The following TAFA2 variants were observed in gnomAD, a reference collection of about 807,000 sequenced individuals.
TAFA2 encodes TAFA chemokine like family member 2.
In TAFA2, 7 loss-of-function variants were observed where a neutral mutation model predicts 18.8. The ratio of observed to expected loss-of-function variants is 0.37; its 90% CI spans 0.21 to 0.70. TAFA2 has a LOEUF of 0.70. Among genes scored for constraint, TAFA2 ranks in the 30% least tolerant of loss-of-function variants. The pLI, the probability that TAFA2 is intolerant of heterozygous loss-of-function variation, is 0.53. For missense variants in TAFA2, 122 were observed against 158.1 expected (o/e 0.77, Z 1.23); for synonymous variants, 60 against 54.2 (o/e 1.11, Z -0.47).
At chr12:62,111,474 G>A (rs1869727608) in intron 1 of TAFA2, among the ~76,000 whole-genome samples, 1 of 152,194 alleles carries the variant, frequency 6.6e-6, no homozygotes, top group South Asian at 2.1e-4. Flanking sequence ...TTGATTTGCG[G>A]TGGAGATTTC....
At chr12:61,879,816 T>G in intron 1 of TAFA2, 3 of 1,460,962 alleles carry the variant, frequency 2.1e-6, no homozygotes, top group Non-Finnish European at 2.9e-6. Context: ...GAGGCAGAGC[T>G]TGGCAACATG....
chr12:61,853,093 G>T (rs1873745103), intron 2 of TAFA2, among the ~76,000 whole-genome samples: 1 of 152,086 alleles, frequency 6.6e-6, no homozygotes, highest in Admixed American at 6.5e-5. Flanking sequence ...TGATGAATAG[G>T]TTAATCAGCT....
intron 1 of TAFA2, among the ~76,000 whole-genome samples, chr12:62,176,652 T>C (rs1316972025): frequency 6.6e-6 from 1 of 152,200 alleles, no homozygotes; most frequent in African/African-American, 2.4e-5. Context: ...ACGCTTTTCA[T>C]CAAATGAAAT....
At chr12:62,003,688 T>A (rs930637192) in intron 1 of TAFA2, among the ~76,000 whole-genome samples, 4 of 152,224 alleles carry the variant, frequency 2.6e-5, no homozygotes, top group Non-Finnish European at 5.9e-5. Flanking sequence ...CTCTCCTGTC[T>A]ACCACCACTA....
chr12:62,025,216 A>G (rs979026613), intron 1 of TAFA2, among the ~76,000 whole-genome samples: 2 of 152,118 alleles, frequency 1.3e-5, no homozygotes, highest in Non-Finnish European at 2.9e-5. Context: ...GTATTCATGG[A>G]CATAAAGATG....
In TAFA2 at chr12:61,882,033, TGA is replaced by T. The variant is rs1875166041; in HGVS notation, c.-1-14609_-1-14608del. Among the ~76,000 whole-genome samples, 3 of 152,194 alleles carry T rather than the reference TGA, an allele frequency of 2.0e-5. No individual in the cohort carries two copies. In the South Asian group the frequency reaches 6.2e-4, roughly 32 times the overall value. On this transcript the variant is annotated intron_variant, in intron 1 of 4. Coordinates refer to ENST00000416284, the MANE Select transcript of TAFA2 (RefSeq NM_178539.5). ...TTTGCCTAGACCTATGGACTTCAAA[TGA>T]GTGCCATTATATGAAATAACTGTGC...
intron 1 of TAFA2, among the ~76,000 whole-genome samples, chr12:62,062,214 G>C (rs1882368854): frequency 6.6e-6 from 1 of 151,970 alleles, no homozygotes; most frequent in South Asian, 2.1e-4. Flanking sequence ...CCCTTACCTG[G>C]CCACTTTACT....
intron 1 of TAFA2, among the ~76,000 whole-genome samples, chr12:62,103,680 G>A (rs1276981890): frequency 2.6e-5 from 4 of 151,966 alleles, no homozygotes; most frequent in Non-Finnish European, 5.9e-5. Flanking sequence ...GGCGGAGGTT[G>A]CGGTGAGCCA....
At chr12:62,154,763 C>A (rs1415489260) in intron 1 of TAFA2, among the ~76,000 whole-genome samples, 1 of 152,040 alleles carries the variant, frequency 6.6e-6, no homozygotes, top group East Asian at 1.9e-4. Flanking sequence ...CACACACATA[C>A]ACACACACAA....
At chr12:62,190,757 CAG>C (rs1294570919) in intron 1 of TAFA2, among the ~76,000 whole-genome samples, 4 of 152,122 alleles carry the variant, frequency 2.6e-5, no homozygotes, top group Non-Finnish European at 5.9e-5. Flanking sequence ...CTTCTGCAAA[CAG>C]GCCTGAGAAT....
chr12:62,080,664 T>C (rs1345314528), intron 1 of TAFA2, among the ~76,000 whole-genome samples: 1 of 152,234 alleles, frequency 6.6e-6, no homozygotes, highest in Non-Finnish European at 1.5e-5. Flanking sequence ...ATCCCTGAAC[T>C]TCTTTGGTCT....
chr12:61,982,823 G>A (rs557639825), intron 1 of TAFA2, among the ~76,000 whole-genome samples: 5 of 134,578 alleles, frequency 3.7e-5, no homozygotes, highest in African/African-American at 1.1e-4. Flanking sequence ...ATTTCACTAA[G>A]TGCTACCAGA....
intron 1 of TAFA2, among the ~76,000 whole-genome samples, chr12:62,245,133 T>C (rs2062879105): frequency 6.6e-6 from 1 of 152,132 alleles, no homozygotes; most frequent in Admixed American, 6.5e-5. Flanking sequence ...AAATTTTAAG[T>C]TGTTTTTACA....
chr12:61,834,961 G>A (rs1296418313), intron 2 of TAFA2, among the ~76,000 whole-genome samples: 1 of 151,152 alleles, frequency 6.6e-6, no homozygotes, highest in Non-Finnish European at 1.5e-5. Context: ...TCTTTTTTCT[G>A]TCATTTTCTT....
chr12:61,741,575 A>C (rs1565616698), intron 4 of TAFA2, among the ~76,000 whole-genome samples: 1 of 152,094 alleles, frequency 6.6e-6, no homozygotes, highest in Non-Finnish European at 1.5e-5. Context: ...ATGGCATCAC[A>C]ATCTGGTATC....
intron 1 of TAFA2, among the ~76,000 whole-genome samples, chr12:62,225,402 A>C (rs1184866699): frequency 6.6e-6 from 1 of 152,218 alleles, no homozygotes; most frequent in Non-Finnish European, 1.5e-5. Context: ...AATCATAAAG[A>C]AGCTATAAGA....
At chr12:62,113,083 G>C (rs1286868905) in intron 1 of TAFA2, among the ~76,000 whole-genome samples, 1 of 152,026 alleles carries the variant, frequency 6.6e-6, no homozygotes, top group Non-Finnish European at 1.5e-5. Context: ...GGAATTTTCA[G>C]GCTTTTTGGG....
intron 1 of TAFA2, among the ~76,000 whole-genome samples, chr12:61,992,715 C>T (rs1880052401): frequency 6.6e-6 from 1 of 152,156 alleles, no homozygotes; most frequent in Admixed American, 6.6e-5. Context: ...CTCCAATCCC[C>T]TTTTTCTGCT....
chr12:61,815,373 G>T (rs1363946609), intron 2 of TAFA2, among the ~76,000 whole-genome samples: 1 of 151,388 alleles, frequency 6.6e-6, no homozygotes, highest in Non-Finnish European at 1.5e-5. Flanking sequence ...GAAATAAAAA[G>T]TAGGCAATTG....
Sources: gnomAD v4.1 joint callset for allele counts (sites outside exome capture counted in the v4.1 genomes callset) on GRCh38, gnomAD v4.1.1 for gene constraint, MANE v1.5 for transcripts, NCBI Gene and HGNC (gene_info 2026-07-23, HGNC 2026-07-21) for gene names.